Variants in MMP26 observed in about 807,000 individuals in gnomAD.
MMP26 encodes matrix metallopeptidase 26.
In MMP26, 33 loss-of-function variants were observed where a neutral mutation model predicts 31.0. The observed-to-expected ratio is 1.06, with a 90% confidence interval of 0.81 to 1.42. The LOEUF (loss-of-function observed/expected upper bound fraction) is 1.42, where lower values mean the gene tolerates loss of function less well. MMP26 is among the 40% of genes most tolerant of loss of function. The pLI is 0.00. For missense variants in MMP26, 347 were observed against 316.1 expected, an observed-to-expected ratio of 1.10 and a Z score of -0.74; for synonymous variants, 122 against 114.9, an observed-to-expected ratio of 1.06 and a Z score of -0.40.
intron 1 of MMP26, among the ~76,000 whole-genome samples, chr11:4,707,141 T>C (rs1388924457): frequency 6.6e-6 from 1 of 152,218 alleles, no homozygotes; most frequent in Non-Finnish European, 1.5e-5. Flanking sequence ...TTTTACATTC[T>C]CTCCAACTGT....
chr11:4,868,007 G>A (rs1052909087), intron 2 of MMP26, among the ~76,000 whole-genome samples: 3 of 152,108 alleles, frequency 2.0e-5, no homozygotes, highest in Non-Finnish European at 2.9e-5. Flanking sequence ...ACCTATTACT[G>A]ATAGACTGGA....
At chr11:4,821,073 AG>A (rs1849489981) in intron 2 of MMP26, among the ~76,000 whole-genome samples, 1 of 152,178 alleles carries the variant, frequency 6.6e-6, no homozygotes, top group Non-Finnish European at 1.5e-5. Context: ...ACTGGAAAGC[AG>A]GTTTCTCATA....
At chr11:4,971,442 G>T (rs905622468) in intron 2 of MMP26, among the ~76,000 whole-genome samples, 1 of 152,134 alleles carries the variant, frequency 6.6e-6, no homozygotes, top group Non-Finnish European at 1.5e-5. Flanking sequence ...AATTACTTAT[G>T]ATGCTTAAAG....
intron 2 of MMP26, among the ~76,000 whole-genome samples, chr11:4,780,944 A>G (rs1049168935): frequency 2.0e-5 from 3 of 152,050 alleles, no homozygotes; most frequent in African/African-American, 7.2e-5. Flanking sequence ...TATATATGCT[A>G]TGTAATAATA....
intron 2 of MMP26, among the ~76,000 whole-genome samples, chr11:4,959,320 C>G (rs1846489878): frequency 6.7e-6 from 1 of 149,946 alleles, no homozygotes; most frequent in Non-Finnish European, 1.5e-5. Context: ...GTACTTACCA[C>G]AAATATCAAA....
chr11:4,849,669 A>G (rs1179775336), intron 2 of MMP26, among the ~76,000 whole-genome samples: 1 of 152,116 alleles, frequency 6.6e-6, no homozygotes, highest in East Asian at 1.9e-4. Context: ...TAAGTCCCCA[A>G]TTACTCCTTT....
chr11:4,841,996 T>C (rs1407821589), intron 2 of MMP26, among the ~76,000 whole-genome samples: 1 of 152,144 alleles, frequency 6.6e-6, no homozygotes, highest in African/African-American at 2.4e-5. Flanking sequence ...CACTTTAAGG[T>C]AGTAATACAA....
chr11:4,991,457 C>T lies in MMP26; in HGVS notation c.556C>T (p.His186Tyr). 6.2e-7 allele frequency: 1 copy of T among 1,613,968 alleles called. No individual in the cohort carries two copies. The highest frequency in any genetic ancestry group is 8.5e-7 in the Non-Finnish European group (1 of 1,179,874). The change falls in exon 6 of 8, where the codon CAT becomes TAT. Residue 186 changes from histidine to tyrosine, a missense_variant. Physicochemically the swap from His to Tyr is moderately conservative, Grantham distance 83. Coordinates refer to ENST00000380390, the MANE Select transcript of MMP26 (RefSeq NM_021801.5). ...AAATTCTGGAAATCCTGGAGTTGTC[C>T]ATTTTGACAAGAATGAACACTGGTC... Reference protein sequence around the residue: ...LPNSGNPGVVHFDKNEHWSAS... With the variant: ...LPNSGNPGVVYFDKNEHWSAS...
At chr11:4,818,770 G>A (rs538259386) in intron 2 of MMP26, among the ~76,000 whole-genome samples, 79 of 152,112 alleles carry the variant, frequency 5.2e-4, no homozygotes, top group African/African-American at 1.7e-3. Context: ...ATGTGTTTCC[G>A]GAATAGAGAA....
chr11:4,718,807 T>C, intron 1 of MMP26: 1 of 158,730 alleles, frequency 6.3e-6, no homozygotes, highest in Middle Eastern at 5.2e-4. Flanking sequence ...TTATTTCCTC[T>C]CCATGCTGTC....
At chr11:4,986,944 T>TTTCC (rs1846906426) in intron 2 of MMP26, among the ~76,000 whole-genome samples, 1 of 135,668 alleles carries the variant, frequency 7.4e-6, no homozygotes, top group African/African-American at 2.8e-5. Flanking sequence ...TCTCTCTCTC[T>TTTCC]CTCTCTCTCT....
intron 2 of MMP26, among the ~76,000 whole-genome samples, chr11:4,841,712 C>A (rs1849798891): frequency 6.6e-6 from 1 of 152,190 alleles, no homozygotes; most frequent in Non-Finnish European, 1.5e-5. Context: ...GCAGGCAGAT[C>A]ACCTGAGGTC....
chr11:4,773,595 G>T (rs76946658), intron 2 of MMP26, among the ~76,000 whole-genome samples: 133 of 108,352 alleles, frequency 1.2e-3, no homozygotes, highest in South Asian at 2.0e-3. Flanking sequence ...TGTTTGTGGG[G>T]TTTTTTTTTT....
intron 2 of MMP26, chr11:4,915,429 A>C: frequency 6.2e-7 from 1 of 1,614,062 alleles, no homozygotes; most frequent in Non-Finnish European, 8.5e-7. Flanking sequence ...GTGCAAAGGG[A>C]GAGACCCAGG....
chr11:4,713,036 G>C (rs867443952), intron 1 of MMP26, among the ~76,000 whole-genome samples: 1 of 152,014 alleles, frequency 6.6e-6, no homozygotes, highest in Non-Finnish European at 1.5e-5. Flanking sequence ...GGTTCTGTTT[G>C]AGAATGTCTT....
chr11:4,839,562 G>C (rs1212285304), intron 2 of MMP26, among the ~76,000 whole-genome samples: 2 of 151,834 alleles, frequency 1.3e-5, no homozygotes, highest in Non-Finnish European at 2.9e-5. Flanking sequence ...CTAGCTACCA[G>C]ATGGCATTTC....
chr11:4,907,371 T>C (rs759654538), intron 2 of MMP26: 10 of 1,603,750 alleles, frequency 6.2e-6, no homozygotes, highest in South Asian at 2.2e-5. Flanking sequence ...TCCCTCATTA[T>C]GTCTGTTCTC....
chr11:4,716,658 T>TTTC (rs1847934782), intron 1 of MMP26, among the ~76,000 whole-genome samples: 1 of 121,226 alleles, frequency 8.2e-6, no homozygotes, highest in Non-Finnish European at 1.8e-5. Flanking sequence ...CTCTTTTTTT[T>TTTC]TTTTTTTTTT....
intron 2 of MMP26, among the ~76,000 whole-genome samples, chr11:4,824,134 C>A (rs1849549841): frequency 1.3e-5 from 2 of 151,820 alleles, no homozygotes; most frequent in South Asian, 4.1e-4. Context: ...TGGGGGAGAC[C>A]AAGACTCATA....
Sources: gnomAD v4.1 joint callset for allele counts (sites outside exome capture counted in the v4.1 genomes callset) on GRCh38, gnomAD v4.1.1 for gene constraint, MANE v1.5 for transcripts, NCBI Gene and HGNC (gene_info 2026-07-23, HGNC 2026-07-21) for gene names.